BECN1: variants seen among roughly 807,000 people sequenced by gnomAD.
BECN1 encodes beclin-1.
In BECN1, 15 loss-of-function variants were observed where a neutral mutation model predicts 60.1. That is an observed-to-expected ratio of 0.25 (90% CI 0.17 to 0.38). The LOEUF is 0.38. Ranked by LOEUF, BECN1 falls within the 10% of genes least tolerant of loss-of-function variation. BECN1 has a pLI of 1.00. For synonymous variants in BECN1, 179 were observed against 201.8 expected (o/e 0.89, Z 0.96); for missense variants, 424 against 548.2 (o/e 0.77, Z 2.26).
intron 7 of BECN1, among the ~76,000 whole-genome samples, 178 bp downstream of exon 7, chr17:42,818,043 G>C (rs2055181156): frequency 6.6e-6 from 1 of 152,116 alleles, no homozygotes; most frequent in African/African-American, 2.4e-5. Flanking sequence ...CTCTTCATAG[G>C]TAACTCTCCC....
Position 42,821,766 on chromosome 17 carries a change from G to A in BECN1, c.131-925C>T, listed in dbSNP as rs549052270. ...TGAAAAACATAATAATTGAGCAGAGGATGGGAGGTGAATGGAGGTGTAGAC... is the reference window on the plus strand; with the variant it reads ...TGAAAAACATAATAATTGAGCAGAGAATGGGAGGTGAATGGAGGTGTAGAC... On this transcript the variant is annotated intron_variant, in intron 2 of 11. Transcript: ENST00000590099. Among the ~76,000 whole-genome samples, 5 of 152,312 alleles carry A rather than the reference G, an allele frequency of 3.3e-5. No individual in the cohort carries two copies. In the South Asian group the frequency reaches 1.0e-3, roughly 32 times the overall value.
Position 42,824,022 on chromosome 17 carries a change from G to A in BECN1, c.-3+133C>T, listed in dbSNP as rs532612570. ...TCCCTCTAGGAATGGTATGATACGG[G>A]GAGGACCTGCTTCCGGGACAGCCTG... On this transcript the variant is annotated intron_variant, in intron 1 of 11. Transcript: ENST00000590099. 30 of 1,082,752 alleles carry A rather than the reference G, an allele frequency of 2.8e-5. No homozygotes were observed. The African/African-American group carries it at 3.7e-4, about 13-fold the overall frequency. 67.1% of individuals were successfully genotyped at this position (1,082,752 alleles called of 1,614,324 possible).
At position 42,818,323 on chromosome 17, in the gene BECN1, A is replaced by G. The variant is rs745730336; in HGVS notation, c.581T>C (p.Leu194Pro). The change falls in exon 7 of 12, where the codon CTG (leucine) becomes CCG (proline). Residue 194 changes from leucine to proline, a missense_variant. Leu to Pro is a moderately conservative substitution (Grantham distance 98). Coordinates refer to ENST00000590099, the MANE Select transcript of BECN1 (RefSeq NM_001313998.2). ...LKELALEEER[L>P]IQELEDVEKN... The stretch of plus-strand genomic sequence containing the variant: ...TTCCACGTCTTCCAGCTCCTGGATC[A>G]GCCTCTCCTCCTCTAGTGCCAGCTC... 4 of 1,614,180 alleles carry G rather than the reference A, an allele frequency of 2.5e-6. No homozygotes were observed. The highest frequency in any genetic ancestry group is 2.2e-5 in the East Asian group (1 of 44,878).
In BECN1 at chr17:42,814,679, G is replaced by A. The variant is rs1419000882; in HGVS notation, c.831-6C>T. ...TGCCAAACTGTCCACTGTGCCTACA[G>A]AGGAAGGCAGAAAGGTGGGGGGAAA... is the stretch of plus-strand genomic sequence containing the variant. On this transcript the variant is annotated splice_polypyrimidine_tract_variant and splice_region_variant and intron_variant, in intron 8 of 11. Transcript: ENST00000590099. 1.9e-6 allele frequency: 3 copies of A among 1,614,034 alleles called. No individual in the cohort carries two copies. The East Asian group carries it at 6.7e-5, about 36-fold the overall frequency.
chr17:42,820,906 T>C (rs2055250245), intron 2 of BECN1, 65 bp from the exon 3 acceptor site: 2 of 1,417,012 alleles, frequency 1.4e-6, no homozygotes, highest in East Asian at 2.4e-5. Flanking sequence ...TCTGAAAGTA[T>C]GGGAAAAGAA....
chr17:42,817,934 T>TC (rs2055179032), intron 7 of BECN1, among the ~76,000 whole-genome samples: 1 of 152,176 alleles, frequency 6.6e-6, no homozygotes, highest in Non-Finnish European at 1.5e-5. Flanking sequence ...AGTGGCTGAT[T>TC]CATCCAAATG....
chr17:42,811,645 C>T lies in BECN1; in HGVS notation c.1184+10G>A, dbSNP rs1489125228. ...CTATACAAGTTCACTCAGCATTGCG[C>T]TATACTGACCTGTAGGGAAGACAAA... On this transcript the variant is annotated intron_variant, in intron 11 of 11. Coordinates refer to ENST00000590099, the MANE Select transcript of BECN1 (RefSeq NM_001313998.2). 6.2e-7 allele frequency: 1 copy of T among 1,612,412 alleles called. No individual in the cohort carries two copies. The highest frequency in any genetic ancestry group is 8.5e-7 in the Non-Finnish European group (1 of 1,179,292).
chr17:42,811,131 G>A, intron 11 of BECN1: 1 of 478,664 alleles, frequency 2.1e-6, no homozygotes, highest in African/African-American at 2.0e-5. Context: ...GCAGAGTACA[G>A]GGACAGGACA....
chr17:42,819,061 A>T, intron 4 of BECN1, 184 bp from the exon 5 acceptor site: 1 of 625,008 alleles, frequency 1.6e-6, no homozygotes, highest in Non-Finnish European at 2.7e-6. Context: ...CTGGTCTTCC[A>T]CAGGGACACT....
chr17:42,817,978 A>G (rs2055179788), intron 7 of BECN1, among the ~76,000 whole-genome samples: 1 of 152,154 alleles, frequency 6.6e-6, no homozygotes, highest in Non-Finnish European at 1.5e-5. Context: ...CCAAGACTGG[A>G]GCTCTGGTTT....
chr17:42,817,531 C>A (rs2055172468), intron 7 of BECN1, among the ~76,000 whole-genome samples: 2 of 152,120 alleles, frequency 1.3e-5, no homozygotes, highest in Admixed American at 1.3e-4. Context: ...TCTCTCAGGT[C>A]AAGGACATCT....
intron 2 of BECN1, 87 bp from the exon 3 acceptor site, chr17:42,820,928 CT>C (rs2055250368): frequency 8.3e-7 from 1 of 1,202,206 alleles, no homozygotes; most frequent in African/African-American, 1.5e-5. Context: ...GTGAAATATT[CT>C]CATCACCACC....
intron 7 of BECN1, among the ~76,000 whole-genome samples, chr17:42,816,423 G>A (rs764357313): frequency 2.0e-5 from 3 of 151,568 alleles, no homozygotes; most frequent in Non-Finnish European, 4.4e-5. Flanking sequence ...AGGCCAAGAC[G>A]GGTGGATAAC....
intron 8 of BECN1, 127 bp from the exon 9 acceptor site, chr17:42,814,800 AC>A: frequency 8.4e-7 from 1 of 1,190,132 alleles, no homozygotes. Context: ...TGTACTTGGC[AC>A]TTTAAATACA....
chr17:42,816,394 G>A (rs2055146763), intron 7 of BECN1, among the ~76,000 whole-genome samples: 2 of 152,286 alleles, frequency 1.3e-5, no homozygotes, highest in South Asian at 2.1e-4. Context: ...GCTCACACCT[G>A]TAATCCCAGC....
chr17:42,822,592 G>A (rs935407839), intron 2 of BECN1, among the ~76,000 whole-genome samples: 1 of 152,104 alleles, frequency 6.6e-6, no homozygotes, highest in African/African-American at 2.4e-5. Flanking sequence ...TATAGAGACA[G>A]GGTCTTACTG....
intron 3 of BECN1, among the ~76,000 whole-genome samples, chr17:42,819,830 T>G (rs1433524555): frequency 2.0e-5 from 3 of 152,178 alleles, no homozygotes; most frequent in Non-Finnish European, 4.4e-5. Flanking sequence ...ATTTTTTTTT[T>G]GTGGGGAACA....
intron 10 of BECN1, 150 bp from the exon 11 acceptor site, chr17:42,811,947 A>G: frequency 1.1e-6 from 1 of 900,112 alleles, no homozygotes; most frequent in Non-Finnish European, 1.6e-6. Flanking sequence ...CATAGATTTG[A>G]ACAACTACAA....
chr17:42,815,360 T>A (rs1226454398), intron 8 of BECN1, among the ~76,000 whole-genome samples: 1 of 152,104 alleles, frequency 6.6e-6, no homozygotes, highest in African/African-American at 2.4e-5. Flanking sequence ...GACTTCTACT[T>A]TACCTCTCAG....
Sources: gnomAD v4.1 joint callset for allele counts (sites outside exome capture counted in the v4.1 genomes callset) on GRCh38, gnomAD v4.1.1 for gene constraint, MANE v1.5 for transcripts, NCBI Gene and HGNC (gene_info 2026-07-23, HGNC 2026-07-21) for gene names.